TMEM266: variants seen among roughly 807,000 people sequenced by gnomAD.
TMEM266 encodes transmembrane protein 266.
In TMEM266, 33 loss-of-function variants were observed where a neutral mutation model predicts 50.5. That is an observed-to-expected ratio of 0.65 (90% CI 0.50 to 0.87). The LOEUF (loss-of-function observed/expected upper bound fraction) is 0.87, where lower values mean the gene tolerates loss of function less well. Ranked by LOEUF, TMEM266 falls within the 40% of genes least tolerant of loss-of-function variation. The probability of loss-of-function intolerance (pLI) is 0.00; values close to 1 mark genes in which losing one functional copy is unlikely to be tolerated. For synonymous variants in TMEM266, 310 were observed against 292.3 expected, an observed-to-expected ratio of 1.06 and a Z score of -0.62; for missense variants, 655 against 695.1, an observed-to-expected ratio of 0.94 and a Z score of 0.65.
intron 1 of TMEM266, among the ~76,000 whole-genome samples, chr15:76,087,332 A>G (rs1158572391): frequency 6.6e-6 from 1 of 152,178 alleles, no homozygotes; most frequent in African/African-American, 2.4e-5. Flanking sequence ...TTCTAGATTG[A>G]GATGATAGAA....
chr15:76,198,364 G>T (rs2038687593), intron 9 of TMEM266, among the ~76,000 whole-genome samples: 2 of 149,550 alleles, frequency 1.3e-5, no homozygotes, highest in African/African-American at 5.0e-5. Context: ...CCTCAGGGCT[G>T]AATCAAAGCA....
intron 1 of TMEM266, among the ~76,000 whole-genome samples, chr15:76,122,639 G>T (rs1435157257): frequency 6.6e-6 from 1 of 152,192 alleles, no homozygotes; most frequent in Non-Finnish European, 1.5e-5. Flanking sequence ...TTGAAGGAGG[G>T]TTAGAGATAC....
chr15:76,144,165 A>G (rs1165348092), intron 3 of TMEM266, among the ~76,000 whole-genome samples: 1 of 152,080 alleles, frequency 6.6e-6, no homozygotes, highest in Non-Finnish European at 1.5e-5. Context: ...TCTTTTCTCA[A>G]TACGTATTTT....
chr15:76,172,865 C>A (rs940010178), intron 7 of TMEM266, among the ~76,000 whole-genome samples: 1 of 152,210 alleles, frequency 6.6e-6, no homozygotes, highest in Non-Finnish European at 1.5e-5. Flanking sequence ...AACATCCACC[C>A]CCGCTCGGGG....
rs369166614 is a variant in TMEM266, at chr15:76,069,095, C to A, written c.-97+9079C>A. On this transcript the variant is annotated intron_variant, in intron 1 of 10. Transcript: ENST00000388942. ...TTTATCTCAGGATTGTTGCAAGGATCAGTGACATAGCAGAAAAAAGATAGT... is the reference window on the plus strand; with the variant it reads ...TTTATCTCAGGATTGTTGCAAGGATAAGTGACATAGCAGAAAAAAGATAGT... Among the ~76,000 whole-genome samples the A allele has an allele frequency of 1.1e-3, 161 of 152,286 alleles. 1 individual carries two copies. Among genetic ancestry groups the A allele is most frequent in the African/African-American group, 3.6e-3 (151 of 41,554 alleles).
intron 4 of TMEM266, among the ~76,000 whole-genome samples, chr15:76,157,115 C>G (rs1156776103): frequency 3.9e-5 from 6 of 152,042 alleles, no homozygotes; most frequent in African/African-American, 1.4e-4. Context: ...TTTCTGTAGT[C>G]TAAAGAGAGT....
intron 1 of TMEM266, among the ~76,000 whole-genome samples, chr15:76,062,256 A>T (rs889439475): frequency 3.9e-5 from 6 of 152,352 alleles, no homozygotes; most frequent in Middle Eastern, 3.4e-3. Flanking sequence ...GCTTTTAATT[A>T]TAAATTGATG....
At chr15:76,141,101 C>T (rs1451761018) in intron 3 of TMEM266, among the ~76,000 whole-genome samples, 2 of 152,150 alleles carry the variant, frequency 1.3e-5, no homozygotes, top group African/African-American at 2.4e-5. Context: ...ATCCCTTGAT[C>T]CTGGCTGGCA....
Position 76,061,859 on chromosome 15 carries a change from C to T in TMEM266, c.-97+1843C>T, listed in dbSNP as rs188730973. Among the ~76,000 whole-genome samples, 922 of 152,318 alleles carry T rather than the reference C, an allele frequency of 6.1e-3. 14 individuals are homozygous for T. Among genetic ancestry groups the T allele is most frequent in the African/African-American group, 0.021 (878 of 41,562 alleles). On this transcript the variant is annotated intron_variant, in intron 1 of 10. Transcript: ENST00000388942. ...TCACACTATCTTCTGGTCTCACTGC[C>T]AGTCATCAGAGCAACATTGTCTATC...
chr15:76,198,680 G>A (rs2038692945), intron 9 of TMEM266, among the ~76,000 whole-genome samples: 2 of 152,250 alleles, frequency 1.3e-5, no homozygotes, highest in Admixed American at 1.3e-4. Flanking sequence ...CAAACTCCAT[G>A]CCAAGCACCA....
chr15:76,170,835 T>C (rs2038176110), intron 6 of TMEM266, among the ~76,000 whole-genome samples, 158 bp from the exon 7 acceptor site: 1 of 151,982 alleles, frequency 6.6e-6, no homozygotes, highest in Non-Finnish European at 1.5e-5. Context: ...CCCTAAAGAC[T>C]CAGGAGGGTC....
intron 1 of TMEM266, among the ~76,000 whole-genome samples, chr15:76,078,265 G>A (rs1001266568): frequency 3.3e-5 from 5 of 152,058 alleles, no homozygotes; most frequent in Admixed American, 2.0e-4. Flanking sequence ...GATTCCATGC[G>A]ACTTACAGTC....
At chr15:76,178,637 C>T (rs1229585882) in intron 8 of TMEM266, 1 of 152,236 alleles carries the variant, frequency 6.6e-6, no homozygotes, top group African/African-American at 2.4e-5. Flanking sequence ...CCGGAGCCCC[C>T]CGGGGACCCC....
At chr15:76,064,345 C>T (rs933643455) in intron 1 of TMEM266, among the ~76,000 whole-genome samples, 10 of 152,204 alleles carry the variant, frequency 6.6e-5, no homozygotes, top group Non-Finnish European at 1.0e-4. Context: ...AGAAGCATCA[C>T]AGCCTGAGAT....
chr15:76,184,948 G>C (rs982908920), intron 8 of TMEM266, among the ~76,000 whole-genome samples: 1 of 151,960 alleles, frequency 6.6e-6, no homozygotes, highest in Non-Finnish European at 1.5e-5. Context: ...TTTTCCCACC[G>C]GGCCCATTTG....
At chr15:76,151,520 C>T (rs544955007) in intron 3 of TMEM266, among the ~76,000 whole-genome samples, 110 of 152,218 alleles carry the variant, frequency 7.2e-4, no homozygotes, top group African/African-American at 2.5e-3. Context: ...TGCAGCCCTG[C>T]CCTGTGTTTC....
intron 8 of TMEM266, among the ~76,000 whole-genome samples, chr15:76,177,385 A>G (rs1386361860): frequency 2.0e-5 from 3 of 152,320 alleles, no homozygotes; most frequent in African/African-American, 2.4e-5. Context: ...TGGCTCCTCG[A>G]CCAACCCCAG....
At chr15:76,131,683 C>T (rs906770550) in intron 1 of TMEM266, among the ~76,000 whole-genome samples, 1 of 152,194 alleles carries the variant, frequency 6.6e-6, no homozygotes, top group Non-Finnish European at 1.5e-5. Flanking sequence ...CTTAGACCCT[C>T]CTTACTAAGG....
intron 9 of TMEM266, among the ~76,000 whole-genome samples, chr15:76,196,003 G>A (rs1458283192): frequency 2.0e-5 from 3 of 152,256 alleles, no homozygotes; most frequent in African/African-American, 7.2e-5. Flanking sequence ...GGAGGAGGGA[G>A]GCAGGGGCAG....
Sources: allele counts gnomAD v4.1 joint callset (sites outside exome capture counted in the v4.1 genomes callset), GRCh38; gene constraint gnomAD v4.1.1; transcripts MANE v1.5; gene names NCBI Gene and HGNC (gene_info 2026-07-23, HGNC 2026-07-21).